SOX18: variants seen among roughly 807,000 people sequenced by gnomAD.
SOX18 encodes transcription factor SOX-18.
A neutral mutation model predicts 9.1 loss-of-function variants in SOX18; 2 were observed. The ratio of observed to expected loss-of-function variants is 0.22; its 90% CI spans 0.09 to 0.69. The LOEUF (loss-of-function observed/expected upper bound fraction) is 0.69, where lower values mean the gene tolerates loss of function less well. Among genes scored for constraint, SOX18 ranks in the 30% least tolerant of loss-of-function variants. SOX18 has a pLI of 0.80. For synonymous variants in SOX18, 292 were observed against 280.5 expected (o/e 1.04, Z -0.41); for missense variants, 542 against 567.3 (o/e 0.96, Z 0.45).
At position 64,048,673 on chromosome 20, in the gene SOX18, C is replaced by G. The variant is rs2145417255; in HGVS notation, c.648G>C (p.Glu216Asp). 1 of 1,317,932 alleles carries G rather than the reference C, an allele frequency of 7.6e-7. No homozygotes were observed. Among genetic ancestry groups the G allele is most frequent in the Non-Finnish European group, 9.6e-7 (1 of 1,040,460 alleles). 81.6% of individuals were successfully genotyped at this position (1,317,932 alleles called of 1,614,324 possible). Residue 216 changes from glutamate to aspartate, a missense_variant, in exon 2 of 2, where the codon GAG (glutamate) becomes GAC (aspartate). By Grantham distance (45) the Glu-to-Asp change is conservative. Coordinates refer to ENST00000340356, the MANE Select transcript of SOX18 (RefSeq NM_018419.3). ...GCTCCAGGCCGTCCAGAGGCGAGCG[C>G]TCGGGCGTGGGCAGCCCCAGGCCGT... ...EFDGLGLPTP[E>D]RSPLDGLEPG...
Position 64,047,858 on chromosome 20 carries a change from T to C in SOX18, c.*308A>G, listed in dbSNP as rs911127199. 1.3e-5 allele frequency: 6 copies of C among 474,158 alleles called. No homozygotes were observed. The highest frequency in any genetic ancestry group is 8.0e-5 in the African/African-American group (4 of 49,838). 29.4% of individuals were successfully genotyped at this position (474,158 alleles called of 1,614,324 possible). On this transcript the variant is annotated 3_prime_UTR_variant, in exon 2 of 2. Coordinates refer to ENST00000340356, the MANE Select transcript of SOX18 (RefSeq NM_018419.3). ...ACACTGCAAGAAAAGGAGCAGGTGC[T>C]TCAAAAATGTAACCCTGGCAACTCT...
At position 64,048,706 on chromosome 20, in the gene SOX18, G is replaced by C; in HGVS notation, c.615C>G (p.Ala205=). ...TGGGCAGCCCCAGGCCGTCGAACTC[G>C]GCGCCCAGCGGGGGCAGCTCGCGGA... The part of the protein sequence containing the change: ...RAFRELPPLG[A]EFDGLGLPTP... The change falls in exon 2 of 2, where the codon GCC becomes GCG. Residue 205 remains alanine, a synonymous_variant. Coordinates refer to ENST00000340356, the MANE Select transcript of SOX18 (RefSeq NM_018419.3). 1 of 1,360,626 alleles carries C rather than the reference G, an allele frequency of 7.3e-7. No individual in the cohort carries two copies. The highest frequency in any genetic ancestry group is 9.4e-7 in the Non-Finnish European group (1 of 1,065,516). 84.3% of individuals were successfully genotyped at this position (1,360,626 alleles called of 1,614,324 possible).
At position 64,048,524 on chromosome 20, in the gene SOX18, A is replaced by AG; in HGVS notation, c.796dup (p.Leu266ProfsTer260). 8.2e-7 allele frequency: 1 copy of AG among 1,219,682 alleles called. No homozygotes were observed. The highest frequency in any genetic ancestry group is 1.0e-6 in the Non-Finnish European group (1 of 982,224). 75.6% of individuals were successfully genotyped at this position (1,219,682 alleles called of 1,614,324 possible). A position where few individuals can be genotyped will look rare whatever the true frequency, so the allele number is the denominator to read the frequency against. Reference sequence around the variant, plus strand: ...GGGCGCGGTCCTGAGCGCCTCCGCCAGGGGAGCCCCGTAGCAACCGCCGGG... The same window carrying AG: ...GGGCGCGGTCCTGAGCGCCTCCGCCAGGGGGAGCCCCGTAGCAACCGCCGGG... On this transcript the variant is annotated frameshift_variant, in exon 2 of 2. Coordinates refer to ENST00000340356, the MANE Select transcript of SOX18 (RefSeq NM_018419.3). LOFTEE classifies it low-confidence loss of function (END_TRUNC).
Position 64,048,742 on chromosome 20 carries a change from C to G in SOX18, c.579G>C (p.Ser193=). The change falls in exon 2 of 2, where the codon TCG becomes TCC. Residue 193 remains serine, a synonymous_variant. Transcript: ENST00000340356. ...PPEPFPAASG[S]ARAFRELPPL... is the part of the protein sequence containing the mutation. ...GGGGCAGCTCGCGGAAGGCGCGAGCCGAGCCAGACGCCGCGGGGAAAGGCT... is the reference window on the plus strand; with the variant it reads ...GGGGCAGCTCGCGGAAGGCGCGAGCGGAGCCAGACGCCGCGGGGAAAGGCT... 2 of 1,432,492 alleles carry G rather than the reference C, an allele frequency of 1.4e-6. No individual in the cohort carries two copies. Among genetic ancestry groups the G allele is most frequent in the Non-Finnish European group, 1.8e-6 (2 of 1,099,284 alleles). 88.7% of individuals were successfully genotyped at this position (1,432,492 alleles called of 1,614,324 possible).
rs769788868 is a variant in SOX18, at chr20:64,048,263, C to T, written c.1058G>A (p.Gly353Asp). ...CTCTGGGCAGGACATGGCGCGCGGG[C>T]CCAGTTTGGCCAGTGCCACGTGGTA... ...LPYHVALAKL[G>D]PRAMSCPEES... Residue 353 changes from glycine to aspartate, a missense_variant, in exon 2 of 2, where the codon GGC becomes GAC. Transcript: ENST00000340356. 1 of 1,594,886 alleles carries T rather than the reference C, an allele frequency of 6.3e-7. No individual in the cohort carries two copies. The highest frequency in any genetic ancestry group is 8.5e-7 in the Non-Finnish European group (1 of 1,171,942).
chr20:64,049,145 C>T lies in SOX18; in HGVS notation c.358+14G>A. 5 of 1,435,432 alleles carry T rather than the reference C, an allele frequency of 3.5e-6. No individual in the cohort carries two copies. The highest frequency in any genetic ancestry group is 2.7e-5 in the South Asian group (2 of 75,042). 88.9% of individuals were successfully genotyped at this position (1,435,432 alleles called of 1,614,324 possible). On this transcript the variant is annotated intron_variant, in intron 1 of 1. Transcript: ENST00000340356. The stretch of plus-strand genomic sequence containing the variant: ...CGCCCTCTCCCCCTTCTCTGCCGCC[C>T]TCCCGCCGCTCACCCAGCATCTTGC...
chr20:64,049,120 C>T (rs763284212), intron 1 of SOX18, 39 bp downstream of exon 1: 2 of 1,194,582 alleles, frequency 1.7e-6, no homozygotes. Flanking sequence ...GAGCCCCCCC[C>T]GCCCTCTCCC....
In SOX18 at chr20:64,049,542, A is replaced by G; in HGVS notation, c.-26T>C. 9.7e-7 allele frequency: 1 copy of G among 1,035,148 alleles called. No homozygotes were observed. Among genetic ancestry groups the G allele is most frequent in the Non-Finnish European group, 1.2e-6 (1 of 860,574 alleles). 64.1% of individuals were successfully genotyped at this position (1,035,148 alleles called of 1,614,324 possible). A position where few individuals can be genotyped will look rare whatever the true frequency, so the allele number is the denominator to read the frequency against. ...TCCAGCTGGGCGCGGCCTGGGCGGA[A>G]CGGAGCGCGGGAGCGCGGCGGGCGG... On this transcript the variant is annotated 5_prime_UTR_variant, in exon 1 of 2. Coordinates refer to ENST00000340356, the MANE Select transcript of SOX18 (RefSeq NM_018419.3).
At position 64,049,552 on chromosome 20, in the gene SOX18, G is replaced by T; in HGVS notation, c.-36C>A. The stretch of plus-strand genomic sequence containing the variant: ...CGCGGCCTGGGCGGAACGGAGCGCG[G>T]GAGCGCGGCGGGCGGGCGGCGGGCA... On this transcript the variant is annotated 5_prime_UTR_variant, in exon 1 of 2. Transcript: ENST00000340356. 9.6e-7 allele frequency: 1 copy of T among 1,042,630 alleles called. No homozygotes were observed. The highest frequency in any genetic ancestry group is 1.2e-6 in the Non-Finnish European group (1 of 866,148). 64.6% of individuals were successfully genotyped at this position (1,042,630 alleles called of 1,614,324 possible). A position where few individuals can be genotyped will look rare whatever the true frequency, so the allele number is the denominator to read the frequency against.
rs770398258 is a variant in SOX18 at position 64,048,921 on chromosome 20, A to C, written c.400T>G (p.Phe134Val). The C allele has an allele frequency of 5.6e-6, 9 of 1,596,760 alleles. No individual in the cohort carries two copies. In the Admixed American group the frequency reaches 1.5e-4, roughly 27 times the overall value. ...KELNAAEKRP[F>V]VEEAERLRVQ... is the part of the protein sequence containing the mutation. The stretch of plus-strand genomic sequence containing the variant: ...CGCAGCCGTTCGGCTTCCTCCACGA[A>C]GGGCCGCTTCTCCGCCGCGTTCAGC... Residue 134 changes from phenylalanine (F) to valine (V), a missense_variant, in exon 2 of 2, where the codon TTC becomes GTC. Coordinates refer to ENST00000340356, the MANE Select transcript of SOX18 (RefSeq NM_018419.3).
Position 64,048,264 on chromosome 20 carries a change from C to G in SOX18, c.1057G>C (p.Gly353Arg). 6.3e-7 allele frequency: 1 copy of G among 1,594,942 alleles called. No homozygotes were observed. The highest frequency in any genetic ancestry group is 8.5e-7 in the Non-Finnish European group (1 of 1,171,968). ...TCTGGGCAGGACATGGCGCGCGGGC[C>G]CAGTTTGGCCAGTGCCACGTGGTAC... ...LPYHVALAKL[G>R]PRAMSCPEES... is the part of the protein sequence containing the mutation. Residue 353 changes from glycine (G) to arginine (R), a missense_variant, in exon 2 of 2, where the codon GGC becomes CGC. Gly to Arg is a moderately radical substitution (Grantham distance 125). Transcript: ENST00000340356.
chr20:64,048,756 C>T lies in SOX18; in HGVS notation c.565G>A (p.Ala189Thr). The T allele has an allele frequency of 1.4e-6, 2 of 1,458,414 alleles. No individual in the cohort carries two copies. The highest frequency in any genetic ancestry group is 9.0e-7 in the Non-Finnish European group (1 of 1,110,244). The allele number at this position is 1,458,414 out of a possible 1,614,324, so 90.3% of individuals were successfully genotyped here. ...AAGGCGCGAGCCGAGCCAGACGCCG[C>T]GGGGAAAGGCTCGGGCGGTGGCTGC... The part of the protein sequence containing the change: ...PPQPPPEPFP[A>T]ASGSARAFRE... The change falls in exon 2 of 2, where the codon GCG becomes ACG. Residue 189 changes from alanine (A) to threonine (T), a missense_variant. Physicochemically the swap from Ala to Thr is moderately conservative, Grantham distance 58 (BLOSUM62 0). Coordinates refer to ENST00000340356, the MANE Select transcript of SOX18 (RefSeq NM_018419.3).
At chr20:64,049,061 C>T in intron 1 of SOX18, 98 bp downstream of exon 1, 8 of 1,358,694 alleles carry the variant, frequency 5.9e-6, no homozygotes, top group Non-Finnish European at 7.5e-6. Flanking sequence ...GGCGCAGCCC[C>T]CGCACCCCGC....
rs2059421197 is a variant in SOX18 at position 64,049,398 on chromosome 20, G to C, written c.119C>G (p.Ala40Gly). The C allele has an allele frequency of 2.0e-6, 2 of 984,784 alleles. No individual in the cohort carries two copies. The highest frequency in any genetic ancestry group is 2.4e-6 in the Non-Finnish European group (2 of 831,454). 61.0% of individuals were successfully genotyped at this position (984,784 alleles called of 1,614,324 possible). A position where few individuals can be genotyped will look rare whatever the true frequency, so the allele number is the denominator to read the frequency against. ...ADTRGLAAGP[A>G]ALAAPAAPAS... ...GGGCGCGGCGGGCGCGGCGAGGGCGGCGGGGCCGGCGGCGAGGCCGCGCGT... is the reference window on the plus strand; with the variant it reads ...GGGCGCGGCGGGCGCGGCGAGGGCGCCGGGGCCGGCGGCGAGGCCGCGCGT... The change falls in exon 1 of 2, where the codon GCC becomes GGC. Residue 40 changes from alanine (A) to glycine (G), a missense_variant. By Grantham distance (60) the Ala-to-Gly change is moderately conservative. Transcript: ENST00000340356.
chr20:64,048,623 G>T lies in SOX18; in HGVS notation c.698C>A (p.Pro233Gln), dbSNP rs2059409400. Residue 233 changes from proline (P) to glutamine (Q), a missense_variant, in exon 2 of 2, where the codon CCG becomes CAG. Pro to Gln is a moderately conservative substitution (Grantham distance 76). Coordinates refer to ENST00000340356, the MANE Select transcript of SOX18 (RefSeq NM_018419.3). ...LEPGEAAFFP[P>Q]PAAPEDCALR... is the part of the protein sequence containing the mutation. ...CGCGCAGTCCTCGGGCGCCGCGGGC[G>T]GTGGGAAGAAGGCAGCCTCGCCGGG... The T allele has an allele frequency of 1.6e-6, 2 of 1,254,712 alleles. No individual in the cohort carries two copies. The highest frequency in any genetic ancestry group is 2.0e-6 in the Non-Finnish European group (2 of 1,003,078). The allele number at this position is 1,254,712 out of a possible 1,614,324, so 77.7% of individuals were successfully genotyped here.
In SOX18 at chr20:64,049,500, G is replaced by A. The variant is rs1442431117; in HGVS notation, c.17C>T (p.Pro6Leu). MQRSPPGYGAQDDPPA... is the reference protein window; with the variant it reads MQRSPLGYGAQDDPPA... ...CGGGTCGTCCTGTGCGCCGTAGCCG[G>A]GCGGCGATCTCTGCATTCCAGCTGG... is the stretch of plus-strand genomic sequence containing the variant. The change falls in exon 1 of 2, where the codon CCC (proline) becomes CTC (leucine). Residue 6 changes from proline (P) to leucine (L), a missense_variant. Physicochemically the swap from Pro to Leu is moderately conservative, Grantham distance 98 (BLOSUM62 -3). Transcript: ENST00000340356. 1 of 1,062,034 alleles carries A rather than the reference G, an allele frequency of 9.4e-7. No individual in the cohort carries two copies. The highest frequency in any genetic ancestry group is 1.1e-6 in the Non-Finnish European group (1 of 881,130). The allele number at this position is 1,062,034 out of a possible 1,614,324, so 65.8% of individuals were successfully genotyped here.
chr20:64,049,606 G>A lies in SOX18; in HGVS notation c.-90C>T, dbSNP rs1018247767. The A allele has an allele frequency of 2.3e-5, 19 of 834,744 alleles. No homozygotes were observed. In the Admixed American group the frequency reaches 8.0e-4, roughly 35 times the overall value. 51.7% of individuals were successfully genotyped at this position (834,744 alleles called of 1,614,324 possible). A position where few individuals can be genotyped will look rare whatever the true frequency, so the allele number is the denominator to read the frequency against. ...GGGAGCCGGGCGCAAGGGCAGGCCAGGCCGGGAGGGCGGATGGCGGTGGGG... is the reference window on the plus strand; with the variant it reads ...GGGAGCCGGGCGCAAGGGCAGGCCAAGCCGGGAGGGCGGATGGCGGTGGGG... On this transcript the variant is annotated 5_prime_UTR_variant, in exon 1 of 2. Transcript: ENST00000340356.
In SOX18 at chr20:64,048,241, T is replaced by C; in HGVS notation, c.1080A>G (p.Pro360=). ...GCGCGGAGATCAGGCTGCTCTCCTC[T>C]GGGCAGGACATGGCGCGCGGGCCCA... ...AKLGPRAMSC[P]EESSLISALS... Residue 360 remains proline, a synonymous_variant, in exon 2 of 2, where the codon CCA becomes CCG. Coordinates refer to ENST00000340356, the MANE Select transcript of SOX18 (RefSeq NM_018419.3). 1.9e-6 allele frequency: 3 copies of C among 1,591,940 alleles called. No individual in the cohort carries two copies. The highest frequency in any genetic ancestry group is 2.6e-6 in the Non-Finnish European group (3 of 1,170,542).
rs750065092 is a variant in SOX18 at position 64,049,193 on chromosome 20, C to T, written c.324G>A (p.Pro108=). The T allele has an allele frequency of 4.0e-6, 6 of 1,509,378 alleles. No individual in the cohort carries two copies. The highest frequency in any genetic ancestry group is 3.0e-5 in the East Asian group (1 of 33,856). The allele number at this position is 1,509,378 out of a possible 1,614,324, so 93.5% of individuals were successfully genotyped here. A position where few individuals can be genotyped will look rare whatever the true frequency, so the allele number is the denominator to read the frequency against. Residue 108 remains proline, a synonymous_variant, in exon 1 of 2, where the codon CCG becomes CCA. Transcript: ENST00000340356. ...TGCTGAGCACCGCGTTGTGCAGGTCCGGGTTCTGCTGAGCCAGCCGCTTGC... is the reference window on the plus strand; with the variant it reads ...TGCTGAGCACCGCGTTGTGCAGGTCTGGGTTCTGCTGAGCCAGCCGCTTGC... ...DERKRLAQQN[P]DLHNAVLSKM...
Sources: gnomAD v4.1 joint callset for allele counts on GRCh38, gnomAD v4.1.1 for gene constraint, MANE v1.5 for transcripts, NCBI Gene and HGNC (gene_info 2026-07-23, HGNC 2026-07-21) for gene names.